The following CCDC13 variants were observed in gnomAD, a reference collection of about 807,000 sequenced individuals.
CCDC13 encodes the protein coiled-coil domain containing 13.
In CCDC13, 70 loss-of-function variants were observed where a neutral mutation model predicts 87.3. The ratio of observed to expected loss-of-function variants is 0.80; its 90% CI spans 0.66 to 0.98. The LOEUF is 0.98. CCDC13 is among the 50% of genes least tolerant of loss of function. CCDC13 has a pLI of 0.00. For missense variants in CCDC13, 842 were observed against 892.0 expected, an observed-to-expected ratio of 0.94 and a Z score of 0.71; for synonymous variants, 317 against 360.3, an observed-to-expected ratio of 0.88 and a Z score of 1.36.
intron 3 of CCDC13, among the ~76,000 whole-genome samples, chr3:42,756,692 T>A (rs1432948181): frequency 6.6e-6 from 1 of 151,242 alleles, no homozygotes; most frequent in African/African-American, 2.4e-5. Context: ...GTTCACAACA[T>A]AACATGTGAG....
At chr3:42,739,581 T>A in intron 9 of CCDC13, 53 bp downstream of exon 9, 1 of 1,569,396 alleles carries the variant, frequency 6.4e-7, no homozygotes, top group Non-Finnish European at 8.7e-7. Context: ...CTGGGGCCCA[T>A]CCTTTGAGGA....
chr3:42,720,873 T>TTTGTAA (rs1447865706), intron 13 of CCDC13, among the ~76,000 whole-genome samples: 2 of 152,322 alleles, frequency 1.3e-5, no homozygotes, highest in Admixed American at 1.3e-4. Context: ...TTAACAAAAA[T>TTTGTAA]TTGTAAAGGG....
intron 7 of CCDC13, 46 bp from the exon 8 acceptor site, chr3:42,743,103 C>A: frequency 1.2e-6 from 2 of 1,607,032 alleles, no homozygotes; most frequent in Non-Finnish European, 1.7e-6. Context: ...CTTCTGCCAG[C>A]CTCTTCTACT....
Position 42,758,377 on chromosome 3 carries a change from C to A in CCDC13, c.-6-26G>T, listed in dbSNP as rs199737033. The A allele has an allele frequency of 5.7e-5, 92 of 1,604,764 alleles. 1 individual carries two copies. Among genetic ancestry groups the A allele is most frequent in the Non-Finnish European group, 7.1e-5 (83 of 1,176,586 alleles). On this transcript the variant is annotated intron_variant, in intron 1 of 15. Coordinates refer to ENST00000310232, the MANE Select transcript of CCDC13 (RefSeq NM_144719.4). ...CTAGGCATCAGAAATGAAGCCTCAG[C>A]TGAAGCAAACTCCACACCGAGCGCT...
At chr3:42,729,903 G>A (rs1698781109) in intron 13 of CCDC13, among the ~76,000 whole-genome samples, 1 of 152,192 alleles carries the variant, frequency 6.6e-6, no homozygotes, top group Non-Finnish European at 1.5e-5. Context: ...TGTTGGCCTG[G>A]ACACCTGCAA....
chr3:42,769,538 T>C (rs1700009097), intron 1 of CCDC13, among the ~76,000 whole-genome samples: 1 of 152,124 alleles, frequency 6.6e-6, no homozygotes, highest in Admixed American at 6.5e-5. Context: ...TAGTGAGAGG[T>C]GACAGCATGC....
At chr3:42,744,520 A>G (rs1262784207) in intron 7 of CCDC13, among the ~76,000 whole-genome samples, 3 of 152,170 alleles carry the variant, frequency 2.0e-5, no homozygotes, top group African/African-American at 7.2e-5. Context: ...AATTTGACAT[A>G]CAGGGCCGGG....
chr3:42,738,285 C>G (rs1699095818), intron 9 of CCDC13, among the ~76,000 whole-genome samples: 1 of 152,186 alleles, frequency 6.6e-6, no homozygotes, highest in Non-Finnish European at 1.5e-5. Context: ...TGTTTTGGTA[C>G]CAGTACCATG....
At chr3:42,730,434 C>T in intron 13 of CCDC13, 33 bp downstream of exon 13, 1 of 1,607,564 alleles carries the variant, frequency 6.2e-7, no homozygotes, top group Non-Finnish European at 8.5e-7. Context: ...ACATGCAGGC[C>T]TATGGGAGAG....
intron 9 of CCDC13, among the ~76,000 whole-genome samples, chr3:42,739,391 G>T (rs540647541): frequency 1.3e-5 from 2 of 152,280 alleles, no homozygotes; most frequent in South Asian, 4.1e-4. Context: ...GGGTCCATAG[G>T]CCCAGTGCCT....
At position 42,735,873 on chromosome 3, in the gene CCDC13, C is replaced by T; in HGVS notation, c.1205G>A (p.Ser402Asn). The T allele has an allele frequency of 6.2e-7, 1 of 1,614,212 alleles. No individual in the cohort carries two copies. The change falls in exon 10 of 16, where the codon AGT (serine) becomes AAT (asparagine). Residue 402 changes from serine (S) to asparagine (N), a missense_variant. Physicochemically the swap from Ser to Asn is conservative, Grantham distance 46 (BLOSUM62 1). Coordinates refer to ENST00000310232, the MANE Select transcript of CCDC13 (RefSeq NM_144719.4). ...KQLQEILGSL[S>N]LQEEKTRVSQ... ...CACTCGCGTTTTCTCCTCCTGCAGA[C>T]TCAGGCTGCCTAGGATCTCCTGTAG...
At chr3:42,751,351 C>T (rs1699574532) in intron 5 of CCDC13, among the ~76,000 whole-genome samples, 2 of 152,206 alleles carry the variant, frequency 1.3e-5, no homozygotes, top group Non-Finnish European at 2.9e-5. Flanking sequence ...CAATTCCCAC[C>T]TCTTGAGTTT....
Position 42,735,914 on chromosome 3 carries a change from C to G in CCDC13, c.1165-1G>C. The G allele has an allele frequency of 6.2e-7, 1 of 1,612,740 alleles. No individual in the cohort carries two copies. The highest frequency in any genetic ancestry group is 8.5e-7 in the Non-Finnish European group (1 of 1,179,488). ...TCTCCTGTAGCTGCTTCAGCTGGTC[C>G]TGGGGGGCCAGGCAGGAGGGCAGGT... On this transcript the variant is annotated splice_acceptor_variant, in intron 9 of 15. Transcript: ENST00000310232. LOFTEE classifies it high-confidence loss of function.
At position 42,709,551 on chromosome 3, in the gene CCDC13, C is replaced by A. The variant is rs568612590; in HGVS notation, c.1988+133G>T. 6 of 742,692 alleles carry A rather than the reference C, an allele frequency of 8.1e-6. No homozygotes were observed. The South Asian group carries it at 1.0e-4, about 13-fold the overall frequency. 46.0% of individuals were successfully genotyped at this position (742,692 alleles called of 1,614,324 possible). A position where few individuals can be genotyped will look rare whatever the true frequency, so the allele number is the denominator to read the frequency against. ...AGTCCCTGAATTGCAGGCCTAGAAC[C>A]CAGGACCAAACAGGACAAGCCTTCT... On this transcript the variant is annotated intron_variant, in intron 15 of 15. Transcript: ENST00000310232.
intron 2 of CCDC13, 53 bp downstream of exon 2, chr3:42,758,062 TACACACACAC>T (rs3076826): frequency 4.9e-4 from 489 of 997,202 alleles, no homozygotes; most frequent in African/African-American, 8.5e-4. Context: ...GCTCCGGTGG[TACACACACAC>T]ACACACACAC....
At chr3:42,747,233 C>G in intron 6 of CCDC13, 24 bp downstream of exon 6, 5 of 1,576,310 alleles carry the variant, frequency 3.2e-6, no homozygotes, top group Non-Finnish European at 4.4e-6. Context: ...ACACAAGAAG[C>G]CCCAAGCCCT....
At chr3:42,768,439 G>A (rs1326122385) in intron 1 of CCDC13, among the ~76,000 whole-genome samples, 1 of 152,226 alleles carries the variant, frequency 6.6e-6, no homozygotes, top group Non-Finnish European at 1.5e-5. Context: ...GCTCATGCCT[G>A]TAATCCCAGC....
Position 42,741,723 on chromosome 3 carries a change from C to T in CCDC13, c.987+1173G>A, listed in dbSNP as rs370436539. Among the ~76,000 whole-genome samples the T allele has an allele frequency of 1.6e-4, 24 of 152,162 alleles. No individual in the cohort carries two copies. The East Asian group carries it at 2.5e-3, about 16-fold the overall frequency. On this transcript the variant is annotated intron_variant, in intron 8 of 15. Coordinates refer to ENST00000310232, the MANE Select transcript of CCDC13 (RefSeq NM_144719.4). ...TTGCACTCCAGCCTGGGCAACAGAG[C>T]GAGACTCTATCTAAAAAAAAACAAA...
intron 3 of CCDC13, among the ~76,000 whole-genome samples, chr3:42,754,143 T>C (rs1002835526): frequency 6.6e-6 from 1 of 152,200 alleles, no homozygotes; most frequent in Non-Finnish European, 1.5e-5. Flanking sequence ...CTTTTTAACA[T>C]GACCATCATA....
Sources: gnomAD v4.1 joint callset for allele counts (sites outside exome capture counted in the v4.1 genomes callset) on GRCh38, gnomAD v4.1.1 for gene constraint, MANE v1.5 for transcripts, NCBI Gene and HGNC (gene_info 2026-07-23, HGNC 2026-07-21) for gene names.